Variants in QTGAL observed in about 807,000 individuals in gnomAD.
QTGAL encodes queuosine-tRNA galactosyltransferase.
the QTGAL span, among the ~76,000 whole-genome samples, chr17:82,970,613 TCCCCACCCGGCGTGGCCGC>T: frequency 7.5e-6 from 1 of 134,120 alleles, no homozygotes; most frequent in African/African-American, 3.5e-5. Context: ...GGCCGCGACC[TCCCCACCCGGCGTGGCCGC>T]GACCTCCGCA....
At chr17:83,033,077 G>A in the QTGAL span, among the ~76,000 whole-genome samples, 23 of 152,312 alleles carry the variant, frequency 1.5e-4, no homozygotes, top group Middle Eastern at 3.4e-3. Context: ...CAGAAGCCCC[G>A]GAACCTGGCC....
At chr17:83,018,620 C>T in the QTGAL span, among the ~76,000 whole-genome samples, 4 of 152,172 alleles carry the variant, frequency 2.6e-5, no homozygotes, top group Non-Finnish European at 4.4e-5. Context: ...TTGGATAGAA[C>T]GCCTCATCCA....
chr17:82,942,217 A>C, the QTGAL span: 3 of 594,590 alleles, frequency 5.0e-6, no homozygotes. Flanking sequence ...AGAGCAGTGC[A>C]GTGAACCTCC....
the QTGAL span, chr17:82,942,596 A>C: frequency 8.1e-7 from 1 of 1,229,762 alleles, no homozygotes; most frequent in Admixed American, 2.1e-5. Flanking sequence ...GGAGGCTGGC[A>C]CTAGCTGACA....
the QTGAL span, among the ~76,000 whole-genome samples, chr17:82,983,288 T>C: frequency 6.6e-6 from 1 of 152,204 alleles, no homozygotes; most frequent in African/African-American, 2.4e-5. Flanking sequence ...TCAAAATATA[T>C]ATATGTTTTA....
At chr17:83,005,667 C>T in the QTGAL span, 6 of 703,772 alleles carry the variant, frequency 8.5e-6, no homozygotes, top group African/African-American at 5.2e-5. This position sits in a 1 kb window ranked among gnomAD's most constrained non-coding sequence, Gnocchi z 5.6. Context: ...AGGAAAGCAG[C>T]GTCCCTAAGT....
chr17:82,960,317 T>C, the QTGAL span: 1 of 152,174 alleles, frequency 6.6e-6, no homozygotes, highest in Non-Finnish European at 1.5e-5. Context: ...CACCCACACA[T>C]GACCCTAGTT....
chr17:83,012,683 A>G, the QTGAL span, among the ~76,000 whole-genome samples: 7 of 152,138 alleles, frequency 4.6e-5, no homozygotes, highest in African/African-American at 1.7e-4. Flanking sequence ...TCCATGTGCG[A>G]TATCTCACAC....
chr17:82,965,596 A>G, the QTGAL span: 24 of 1,490,172 alleles, frequency 1.6e-5, no homozygotes, highest in Admixed American at 2.0e-4. Flanking sequence ...GCCCACACAC[A>G]GAGACAGGGC....
At chr17:83,005,880 T>C in the QTGAL span, 1 of 1,377,950 alleles carries the variant, frequency 7.3e-7, no homozygotes, top group Non-Finnish European at 9.4e-7. The surrounding 1 kb of genome is among the most constrained non-coding windows in gnomAD (Gnocchi z 5.6). Flanking sequence ...CCCTCCAGCC[T>C]GACCTCTGCC....
the QTGAL span, among the ~76,000 whole-genome samples, chr17:82,987,722 T>C: frequency 1.3e-5 from 2 of 152,224 alleles, no homozygotes; most frequent in African/African-American, 4.8e-5. Context: ...CCAGCTTTGT[T>C]CTTTTTGCTT....
the QTGAL span, among the ~76,000 whole-genome samples, chr17:83,004,848 C>T: frequency 6.6e-6 from 1 of 152,158 alleles, no homozygotes; most frequent in Non-Finnish European, 1.5e-5. Context: ...TCCCGCCCTC[C>T]GCGTGTAAGT....
chr17:82,983,597 G>A, the QTGAL span, among the ~76,000 whole-genome samples: 2 of 152,156 alleles, frequency 1.3e-5, no homozygotes, highest in South Asian at 2.1e-4. Context: ...GGCAGGTGCC[G>A]TTCAGATGCT....
the QTGAL span, among the ~76,000 whole-genome samples, chr17:82,984,763 G>A: frequency 1.5e-4 from 23 of 152,252 alleles, no homozygotes; most frequent in South Asian, 8.3e-4. Context: ...CTGGGACGGC[G>A]GGGAAGCAGG....
At chr17:83,038,541 ACTCT>A in the QTGAL span, among the ~76,000 whole-genome samples, 9 of 152,012 alleles carry the variant, frequency 5.9e-5, no homozygotes, top group Admixed American at 4.6e-4. Flanking sequence ...AAGATGCAAA[ACTCT>A]CTCTAATATT....
the QTGAL span, among the ~76,000 whole-genome samples, chr17:82,946,569 A>AGTGTGTGTGTGTGTGTGTGTGTGTGT: frequency 0.011 from 1,703 of 150,290 alleles, 20 homozygotes; most frequent in South Asian, 0.034. Flanking sequence ...ACAGAACCCA[A>AGTGTGTGTGTGTGTGTGTGTGTGTGT]GTGTGTGTGT....
chr17:82,986,339 G>A, the QTGAL span, among the ~76,000 whole-genome samples: 1 of 152,184 alleles, frequency 6.6e-6, no homozygotes, highest in Non-Finnish European at 1.5e-5. Flanking sequence ...CCCACCATAC[G>A]CTGCTGGCTG....
At chr17:82,945,299 C>G in the QTGAL span, 1 of 152,182 alleles carries the variant, frequency 6.6e-6, no homozygotes, top group Non-Finnish European at 1.5e-5. Flanking sequence ...AATGTCTAAC[C>G]TTTGGGTAAT....
the QTGAL span, among the ~76,000 whole-genome samples, chr17:82,974,436 C>G: frequency 6.6e-6 from 1 of 152,302 alleles, no homozygotes; most frequent in Non-Finnish European, 1.5e-5. Context: ...AGGAGCTGCC[C>G]GCAAAGCAGC....
Sources: allele counts gnomAD v4.1 joint callset (sites outside exome capture counted in the v4.1 genomes callset), GRCh38; gene constraint gnomAD v4.1.1; non-coding constraint Gnocchi (gnomAD v3.1); transcripts MANE v1.5; gene names NCBI Gene and HGNC (gene_info 2026-07-23, HGNC 2026-07-21).